Variants in RAPGEF6 observed in about 807,000 individuals in gnomAD.
RAPGEF6 encodes PDZ domain containing guanine nucleotide exchange factor (GEF) 2.
Under a neutral mutation model 171.4 loss-of-function variants are expected in RAPGEF6, and 56 were observed. That is an observed-to-expected ratio of 0.33 (90% CI 0.26 to 0.41). The LOEUF (loss-of-function observed/expected upper bound fraction) is 0.41. Ranked by LOEUF, RAPGEF6 falls within the 10% of genes least tolerant of loss-of-function variation. The pLI is 1.00. For missense variants in RAPGEF6, 1,674 were observed against 1,921.4 expected (o/e 0.87, Z 2.41); for synonymous variants, 692 against 650.1 (o/e 1.06, Z -0.98).
Position 131,507,710 on chromosome 5 carries a change from C to T in RAPGEF6, c.942+361G>A, listed in dbSNP as rs1757458446. Reference sequence around the variant, plus strand: ...AGGAATAAGAAAAATTCTTGATAAACATTTTAAACAATAATGATATAATTA... The same window carrying T: ...AGGAATAAGAAAAATTCTTGATAAATATTTTAAACAATAATGATATAATTA... On this transcript the variant is annotated intron_variant, in intron 9 of 27. Transcript: ENST00000509018. 2.6e-5 allele frequency among the ~76,000 whole-genome samples: 4 copies of T among 152,132 alleles called. 1 individual carries two copies. In the South Asian group the frequency reaches 8.3e-4, roughly 32 times the overall value.
chr5:131,491,754 G>A (rs564402644), intron 14 of RAPGEF6, among the ~76,000 whole-genome samples: 1 of 152,276 alleles, frequency 6.6e-6, no homozygotes, highest in East Asian at 1.9e-4. Flanking sequence ...CTGATGACCT[G>A]AGGTGGATCA....
intron 4 of RAPGEF6, among the ~76,000 whole-genome samples, chr5:131,576,784 C>A (rs1414473627): frequency 6.6e-6 from 1 of 152,218 alleles, no homozygotes; most frequent in Non-Finnish European, 1.5e-5. Flanking sequence ...TCCTTCCTGC[C>A]TCACAGGCTC....
At position 131,508,014 on chromosome 5, in the gene RAPGEF6, A is replaced by G. The variant is rs903028352; in HGVS notation, c.942+57T>C. 20 of 1,363,074 alleles carry G rather than the reference A, an allele frequency of 1.5e-5. No individual in the cohort carries two copies. The Admixed American group carries it at 4.8e-4, about 33-fold the overall frequency. 84.4% of individuals were successfully genotyped at this position (1,363,074 alleles called of 1,614,324 possible). On this transcript the variant is annotated intron_variant, in intron 9 of 27. Transcript: ENST00000509018. Reference sequence around the variant, plus strand: ...AATCAGGACAAATTTATGGAAATTAAGTTATTTTAAAAGTTAGTATCCATA... The same window carrying G: ...AATCAGGACAAATTTATGGAAATTAGGTTATTTTAAAAGTTAGTATCCATA...
intron 1 of RAPGEF6, among the ~76,000 whole-genome samples, chr5:131,626,663 T>C (rs1765949630): frequency 6.6e-6 from 1 of 152,142 alleles, no homozygotes; most frequent in East Asian, 1.9e-4. Flanking sequence ...TATGTTTTCT[T>C]ATGTCTCCCA....
chr5:131,536,038 T>A (rs1363901391), intron 6 of RAPGEF6, among the ~76,000 whole-genome samples: 1 of 152,126 alleles, frequency 6.6e-6, no homozygotes, highest in Non-Finnish European at 1.5e-5. Context: ...CAATCTGCAA[T>A]GAAATATTAT....
intron 11 of RAPGEF6, among the ~76,000 whole-genome samples, chr5:131,501,705 A>G (rs1353846519): frequency 6.6e-6 from 1 of 152,056 alleles, no homozygotes; most frequent in Non-Finnish European, 1.5e-5. Context: ...ACTGCTTACA[A>G]TGAGCAAATA....
intron 11 of RAPGEF6, among the ~76,000 whole-genome samples, chr5:131,499,051 C>T (rs559411533): frequency 6.6e-6 from 1 of 152,260 alleles, no homozygotes; most frequent in African/African-American, 2.4e-5. Flanking sequence ...AAGCTTTTCT[C>T]CAAATTTAAT....
intron 26 of RAPGEF6, among the ~76,000 whole-genome samples, chr5:131,429,608 T>C (rs1237244290): frequency 6.6e-6 from 1 of 152,174 alleles, no homozygotes; most frequent in Admixed American, 6.5e-5. Context: ...AGACTTTACA[T>C]AGAAATGACA....
intron 19 of RAPGEF6, among the ~76,000 whole-genome samples, chr5:131,459,251 C>T (rs1753736367): frequency 6.6e-6 from 1 of 152,114 alleles, no homozygotes. Flanking sequence ...GTGAAGAAGT[C>T]ATTTGGAACA....
At chr5:131,457,808 T>C (rs1209942075) in intron 19 of RAPGEF6, among the ~76,000 whole-genome samples, 3 of 152,162 alleles carry the variant, frequency 2.0e-5, no homozygotes, top group Non-Finnish European at 4.4e-5. Context: ...AATGGTATCA[T>C]TTAATATGAA....
intron 5 of RAPGEF6, 46 bp from the exon 6 acceptor site, chr5:131,548,236 T>C: frequency 6.3e-7 from 1 of 1,594,704 alleles, no homozygotes; most frequent in Non-Finnish European, 8.6e-7. Context: ...AATTTTTCCA[T>C]ATTATTGACA....
At chr5:131,525,799 A>C (rs1021464938) in intron 6 of RAPGEF6, among the ~76,000 whole-genome samples, 1 of 152,156 alleles carries the variant, frequency 6.6e-6, no homozygotes, top group African/African-American at 2.4e-5. Context: ...AGGTAAGAAG[A>C]CCAAGGAGAA....
chr5:131,474,030 C>G (rs1366618836), intron 16 of RAPGEF6, among the ~76,000 whole-genome samples: 4 of 152,186 alleles, frequency 2.6e-5, no homozygotes, highest in Non-Finnish European at 5.9e-5. Flanking sequence ...TCTTTATAAA[C>G]TTTGGTTTTC....
At chr5:131,569,075 T>C (rs931850444) in intron 4 of RAPGEF6, among the ~76,000 whole-genome samples, 1 of 151,864 alleles carries the variant, frequency 6.6e-6, no homozygotes, top group Non-Finnish European at 1.5e-5. Context: ...CTGAAAGAAA[T>C]AAAAGATAAA....
At chr5:131,450,153 A>C in intron 21 of RAPGEF6, 1 of 1,229,018 alleles carries the variant, frequency 8.1e-7, no homozygotes, top group Non-Finnish European at 1.1e-6. Flanking sequence ...AAAGAACAGA[A>C]ACATTTTATC....
intron 17 of RAPGEF6, 128 bp downstream of exon 17, chr5:131,472,459 T>C: frequency 1.9e-6 from 2 of 1,075,286 alleles, no homozygotes; most frequent in East Asian, 2.6e-5. Context: ...CCTTTAGTTT[T>C]TTGCATCAAG....
At chr5:131,560,246 T>C (rs1240536529) in intron 5 of RAPGEF6, among the ~76,000 whole-genome samples, 1 of 152,200 alleles carries the variant, frequency 6.6e-6, no homozygotes, top group Non-Finnish European at 1.5e-5. Flanking sequence ...TGTCAACATG[T>C]AACTGCTAAC....
intron 22 of RAPGEF6, 100 bp downstream of exon 22, chr5:131,446,383 G>C: frequency 1.7e-6 from 2 of 1,151,728 alleles, no homozygotes; most frequent in African/African-American, 1.5e-5. Context: ...TCTTTTGTGA[G>C]TGAAAGTTAA....
chr5:131,609,332 C>T (rs1180916903), intron 1 of RAPGEF6, among the ~76,000 whole-genome samples: 1 of 152,032 alleles, frequency 6.6e-6, no homozygotes, highest in Non-Finnish European at 1.5e-5. Context: ...GATGTCTGGT[C>T]AGGGGTCTAG....
Sources: gnomAD v4.1 joint callset for allele counts (sites outside exome capture counted in the v4.1 genomes callset) on GRCh38, gnomAD v4.1.1 for gene constraint, MANE v1.5 for transcripts, NCBI Gene and HGNC (gene_info 2026-07-23, HGNC 2026-07-21) for gene names.